ANXA5: variants seen among roughly 807,000 people sequenced by gnomAD.
The protein encoded by ANXA5 is annexin A5.
In ANXA5, 40 loss-of-function variants were observed where a neutral mutation model predicts 48.1. The ratio of observed to expected loss-of-function variants is 0.83; its 90% CI spans 0.65 to 1.08. The LOEUF (loss-of-function observed/expected upper bound fraction) is 1.08, where lower values mean the gene tolerates loss of function less well. Ranked by LOEUF, ANXA5 falls within the 50% of genes least tolerant of loss-of-function variation. The probability of loss-of-function intolerance (pLI) is 0.00; values close to 1 mark genes in which losing one functional copy is unlikely to be tolerated. For synonymous variants in ANXA5, 113 were observed against 129.1 expected (o/e 0.88, Z 0.85); for missense variants, 357 against 376.8 (o/e 0.95, Z 0.44).
chr4:121,679,155 A>G (rs999600590), intron 6 of ANXA5, among the ~76,000 whole-genome samples: 9 of 152,238 alleles, frequency 5.9e-5, no homozygotes, highest in African/African-American at 2.2e-4. Flanking sequence ...ATTATTATGC[A>G]AAAGCAAACG....
intron 6 of ANXA5, among the ~76,000 whole-genome samples, chr4:121,679,506 T>G (rs541665403): frequency 3.3e-5 from 5 of 152,212 alleles, no homozygotes; most frequent in Non-Finnish European, 7.4e-5. Context: ...GCCTGTGAAT[T>G]AAGTCCAAAT....
intron 8 of ANXA5, among the ~76,000 whole-genome samples, chr4:121,675,145 G>A (rs1724677401): frequency 6.6e-6 from 1 of 152,092 alleles, no homozygotes; most frequent in South Asian, 2.1e-4. Context: ...GATTTACTGG[G>A]GAAGAAGGTA....
chr4:121,676,710 G>A (rs113109962), intron 8 of ANXA5, among the ~76,000 whole-genome samples: 4,615 of 151,952 alleles, frequency 0.03, 92 homozygotes, highest in African/African-American at 0.052. Context: ...CCTGTGAGGG[G>A]CACCTAACTC....
chr4:121,670,519 T>C (rs539373480), intron 10 of ANXA5, among the ~76,000 whole-genome samples: 1 of 152,276 alleles, frequency 6.6e-6, no homozygotes, highest in African/African-American at 2.4e-5. Context: ...TCCATTTCAG[T>C]ACAAAAACAG....
intron 9 of ANXA5, 30 bp from the exon 10 acceptor site, chr4:121,671,672 A>C: frequency 7.1e-7 from 1 of 1,404,570 alleles, no homozygotes; most frequent in South Asian, 1.2e-5. Context: ...TTCCCTAATC[A>C]TGTAGGGATC....
intron 8 of ANXA5, 83 bp downstream of exon 8, chr4:121,677,811 C>T (rs755811950): frequency 7.4e-5 from 88 of 1,185,634 alleles, no homozygotes; most frequent in Non-Finnish European, 1.1e-4. Flanking sequence ...GCTATTACAA[C>T]ATACATTGTG....
At chr4:121,690,330 A>G (rs1230150453) in intron 2 of ANXA5, among the ~76,000 whole-genome samples, 1 of 152,132 alleles carries the variant, frequency 6.6e-6, no homozygotes, top group African/African-American at 2.4e-5. Context: ...AAGAAAATCC[A>G]AGGAGGGTGA....
At chr4:121,672,886 C>G (rs1411791556) in intron 8 of ANXA5, among the ~76,000 whole-genome samples, 1 of 152,162 alleles carries the variant, frequency 6.6e-6, no homozygotes, top group Non-Finnish European at 1.5e-5. Flanking sequence ...GTTACATGTT[C>G]CCAAAATGTC....
chr4:121,695,011 T>C (rs13145977), intron 2 of ANXA5, among the ~76,000 whole-genome samples: 32,824 of 152,138 alleles, frequency 0.22, 4,191 homozygotes, highest in Non-Finnish European at 0.29. Context: ...GTCTACATAA[T>C]GAAAAGGAAT....
At chr4:121,691,299 C>A (rs1208650950) in intron 2 of ANXA5, among the ~76,000 whole-genome samples, 1 of 141,996 alleles carries the variant, frequency 7.0e-6, no homozygotes, top group African/African-American at 2.6e-5. Flanking sequence ...TGAAAAAGTT[C>A]TTTACCCGCA....
At chr4:121,672,660 T>C in intron 8 of ANXA5, 34 bp from the exon 9 acceptor site, 1 of 1,498,634 alleles carries the variant, frequency 6.7e-7, no homozygotes, top group African/African-American at 1.4e-5. Context: ...AATAAATTGT[T>C]CCTCCATCTC....
At position 121,671,579 on chromosome 4, in the gene ANXA5, G is replaced by T. The variant is rs1724613249; in HGVS notation, c.689C>A (p.Ser230Tyr). 6.2e-7 allele frequency: 1 copy of T among 1,613,558 alleles called. No individual in the cohort carries two copies. Among genetic ancestry groups the T allele is most frequent in the Non-Finnish European group, 8.5e-7 (1 of 1,179,600 alleles). Residue 230 changes from serine (S) to tyrosine (Y), a missense_variant, in exon 10 of 13, where the codon TCT (serine) becomes TAT (tyrosine). Coordinates refer to ENST00000296511, the MANE Select transcript of ANXA5 (RefSeq NM_001154.4). ...QIEETIDRET[S>Y]GNLEQLLLAV... ...AAGGAGTAGTTGCTCTAAATTGCCA[G>T]AAGTCTCGCGGTCAATGGTTTCCTC...
chr4:121,685,795 C>T (rs1000856390), intron 3 of ANXA5, among the ~76,000 whole-genome samples: 36 of 152,152 alleles, frequency 2.4e-4, no homozygotes, highest in African/African-American at 8.4e-4. Flanking sequence ...TGCCCACCTG[C>T]AGGGATGGCT....
Position 121,696,606 on chromosome 4 carries a change from A to C in ANXA5, c.-17T>G, listed in dbSNP as rs777429086. 7.0e-7 allele frequency: 1 copy of C among 1,419,968 alleles called. No homozygotes were observed. The allele number at this position is 1,419,968 out of a possible 1,614,324, so 88.0% of individuals were successfully genotyped here. A position where few individuals can be genotyped will look rare whatever the true frequency, so the allele number is the denominator to read the frequency against. ...CTGTGCCATGGCGACTACTCAGGTC[A>C]GGGGAAGGTGAAGCAGGACTGCAAA... On this transcript the variant is annotated 5_prime_UTR_variant, in exon 2 of 13. Transcript: ENST00000296511.
At chr4:121,696,521 C>G in intron 2 of ANXA5, 60 bp downstream of exon 2, 1 of 1,320,394 alleles carries the variant, frequency 7.6e-7, no homozygotes, top group Non-Finnish European at 9.8e-7. Flanking sequence ...CTAAAAGTCC[C>G]TCGTCGCAGC....
chr4:121,684,755 G>A lies in ANXA5; in HGVS notation c.111C>T (p.Ser37=). The A allele has an allele frequency of 3.1e-6, 5 of 1,613,890 alleles. No individual in the cohort carries two copies. The highest frequency in any genetic ancestry group is 4.2e-6 in the Non-Finnish European group (5 of 1,179,860). The change falls in exon 4 of 13, where the codon AGC becomes AGT. Residue 37 remains serine (S), a synonymous_variant. Transcript: ENST00000296511. ...AMKGLGTDEE[S]ILTLLTSRSN... ...TTCGGGATGTCAACAGAGTCAGGAT[G>A]CTCTCCTCATCTGTGCCTGCAATTT...
At chr4:121,672,280 G>A (rs1413563071) in intron 9 of ANXA5, among the ~76,000 whole-genome samples, 1 of 152,166 alleles carries the variant, frequency 6.6e-6, no homozygotes, top group Admixed American at 6.5e-5. Context: ...GTGACTATGA[G>A]AGGAACAATC....
In ANXA5 at chr4:121,672,645, C is replaced by G. The variant is rs1560824031; in HGVS notation, c.532-19G>C. 1.9e-6 allele frequency: 3 copies of G among 1,581,974 alleles called. No homozygotes were observed. Among genetic ancestry groups the G allele is most frequent in the Non-Finnish European group, 2.6e-6 (3 of 1,151,688 alleles). On this transcript the variant is annotated intron_variant, in intron 8 of 12. Transcript: ENST00000296511. ...ATAAAGCCTGCAAAAATTTCAAACTCAATTAATAAATTGTTCCTCCATCTC... is the reference window on the plus strand; with the variant it reads ...ATAAAGCCTGCAAAAATTTCAAACTGAATTAATAAATTGTTCCTCCATCTC...
intron 2 of ANXA5, among the ~76,000 whole-genome samples, chr4:121,689,325 A>G (rs1378168923): frequency 1.3e-5 from 2 of 152,188 alleles, no homozygotes; most frequent in East Asian, 3.9e-4. Context: ...TTGACTCACC[A>G]TCTTTTGAAT....
Sources: allele counts gnomAD v4.1 joint callset (sites outside exome capture counted in the v4.1 genomes callset), GRCh38; gene constraint gnomAD v4.1.1; transcripts MANE v1.5; gene names NCBI Gene and HGNC (gene_info 2026-07-23, HGNC 2026-07-21).